The following POLR1A variants were observed in gnomAD, a reference collection of about 807,000 sequenced individuals.
POLR1A encodes DNA-directed RNA polymerase I subunit RPA1.
Under a neutral mutation model 205.3 loss-of-function variants are expected in POLR1A, and 84 were observed. That is an observed-to-expected ratio of 0.41 (90% CI 0.34 to 0.49). The LOEUF (loss-of-function observed/expected upper bound fraction) is 0.49. Ranked by LOEUF, POLR1A falls within the 20% of genes least tolerant of loss-of-function variation. The pLI is 0.22. For synonymous variants in POLR1A, 799 were observed against 863.7 expected, an observed-to-expected ratio of 0.93 and a Z score of 1.31; for missense variants, 1,645 against 2,204.5, an observed-to-expected ratio of 0.75 and a Z score of 5.08.
chr2:86,065,915 T>C (rs1489619876), intron 13 of POLR1A, among the ~76,000 whole-genome samples: 1 of 152,260 alleles, frequency 6.6e-6, no homozygotes, highest in Non-Finnish European at 1.5e-5. Flanking sequence ...CAAATATTTA[T>C]CAGGAGCCTC....
intron 14 of POLR1A, among the ~76,000 whole-genome samples, chr2:86,059,492 G>C (rs1401339570): frequency 6.6e-6 from 1 of 152,150 alleles, no homozygotes; most frequent in Admixed American, 6.5e-5. Flanking sequence ...TTTATCAGGT[G>C]GTTGAATGTC....
Position 86,068,394 on chromosome 2 carries a change from G to GGC in POLR1A, c.1866+1623_1866+1624insGC, listed in dbSNP as rs928926455. ...ACAGCCAAGCACATGGGCGGGGGGG[G>GGC]GGGGCGGGTGTCGTCCAAAGCTGCT... On this transcript the variant is annotated intron_variant, in intron 13 of 33. Coordinates refer to ENST00000263857, the MANE Select transcript of POLR1A (RefSeq NM_015425.6). Among the ~76,000 whole-genome samples the GGC allele has an allele frequency of 1.1e-4, 13 of 116,372 alleles. 3 individuals carry two copies. The highest frequency in any genetic ancestry group is 8.3e-4 in the Admixed American group (10 of 12,016). 76.3% of individuals were successfully genotyped at this position (116,372 alleles called of 152,430 possible). A position where few individuals can be genotyped will look rare whatever the true frequency, so the allele number is the denominator to read the frequency against.
At chr2:86,036,660 A>G (rs1672501364) in intron 27 of POLR1A, among the ~76,000 whole-genome samples, 1 of 152,180 alleles carries the variant, frequency 6.6e-6, no homozygotes, top group South Asian at 2.1e-4. Flanking sequence ...GGGGCCTGAC[A>G]AAGGGAGTCC....
At chr2:86,067,655 G>T (rs1235686602) in intron 13 of POLR1A, among the ~76,000 whole-genome samples, 5 of 151,978 alleles carry the variant, frequency 3.3e-5, no homozygotes, top group African/African-American at 1.2e-4. Flanking sequence ...TATAAATAAA[G>T]AAATATGGAA....
intron 26 of POLR1A, 61 bp from the exon 27 acceptor site, chr2:86,038,918 G>A: frequency 1.3e-6 from 2 of 1,510,990 alleles, no homozygotes; most frequent in Non-Finnish European, 1.8e-6. Context: ...TGCGCAATGT[G>A]AGTGGGTTAC....
intron 13 of POLR1A, among the ~76,000 whole-genome samples, chr2:86,069,745 G>T (rs1056245029): frequency 2.6e-5 from 4 of 152,208 alleles, no homozygotes; most frequent in African/African-American, 9.6e-5. Flanking sequence ...CTGAACACAA[G>T]ACCTATCACA....
intron 16 of POLR1A, among the ~76,000 whole-genome samples, chr2:86,051,058 C>T (rs367702253): frequency 1.3e-5 from 2 of 152,224 alleles, no homozygotes; most frequent in South Asian, 2.1e-4. Context: ...AAAATCTGGA[C>T]GCAGCCTAAA....
At chr2:86,037,438 G>A (rs1032927636) in intron 27 of POLR1A, among the ~76,000 whole-genome samples, 4 of 152,276 alleles carry the variant, frequency 2.6e-5, no homozygotes, top group Non-Finnish European at 5.9e-5. Flanking sequence ...CTCGAGGCCA[G>A]GCCCCATAAG....
chr2:86,063,055 G>A (rs1673023608), intron 14 of POLR1A, among the ~76,000 whole-genome samples: 1 of 152,284 alleles, frequency 6.6e-6, no homozygotes, highest in East Asian at 1.9e-4. Context: ...CTTCCCACAG[G>A]TTGGGCGCGG....
intron 6 of POLR1A, among the ~76,000 whole-genome samples, chr2:86,087,667 T>C (rs1673526630): frequency 6.6e-6 from 1 of 152,184 alleles, no homozygotes; most frequent in Non-Finnish European, 1.5e-5. Context: ...CCTAGCCTCC[T>C]GAGTAGCTGA....
At chr2:86,069,737 G>A (rs1313575043) in intron 13 of POLR1A, among the ~76,000 whole-genome samples, 1 of 152,204 alleles carries the variant, frequency 6.6e-6, no homozygotes, top group Non-Finnish European at 1.5e-5. Context: ...TTTAAGTGCT[G>A]AACACAAGAC....
intron 3 of POLR1A, among the ~76,000 whole-genome samples, chr2:86,093,541 T>C (rs1325698167): frequency 6.6e-6 from 1 of 152,148 alleles, no homozygotes; most frequent in Non-Finnish European, 1.5e-5. Context: ...ATAATATCCT[T>C]TACAGGCTGG....
chr2:86,067,884 A>G (rs1356903746), intron 13 of POLR1A, among the ~76,000 whole-genome samples: 1 of 152,240 alleles, frequency 6.6e-6, no homozygotes, highest in African/African-American at 2.4e-5. Flanking sequence ...GACAAAAGAA[A>G]GTGAATGAAA....
intron 7 of POLR1A, among the ~76,000 whole-genome samples, chr2:86,082,056 G>C (rs1418395928): frequency 6.6e-6 from 1 of 151,800 alleles, no homozygotes; most frequent in African/African-American, 2.4e-5. Context: ...GGCTGGTCTC[G>C]AACTCCTGGG....
In POLR1A at chr2:86,043,001, G is replaced by A; in HGVS notation, c.3330C>T (p.Arg1110=). The A allele has an allele frequency of 6.2e-7, 1 of 1,613,992 alleles. No individual in the cohort carries two copies. The highest frequency in any genetic ancestry group is 8.5e-7 in the Non-Finnish European group (1 of 1,179,876). ...CCTGAGTCCCAGGGCTGCGGCCATT[G>A]CGGTTTTCACTCTCAAGTTTCAGGG... ...VKALKLESEN[R]NGRSPGTQEM... The change falls in exon 23 of 34, where the codon CGC becomes CGT. Residue 1110 remains arginine, a synonymous_variant. Transcript: ENST00000263857.
At position 86,033,713 on chromosome 2, in the gene POLR1A, C is replaced by T. The variant is rs772119115; in HGVS notation, c.4109G>A (p.Arg1370Gln). Residue 1370 changes from arginine (R) to glutamine (Q), a missense_variant, in exon 28 of 34, where the codon CGA becomes CAA. Arg to Gln is a conservative substitution (Grantham distance 43). Coordinates refer to ENST00000263857, the MANE Select transcript of POLR1A (RefSeq NM_015425.6). ...KASAFRNVNT[R>Q]RATQRDLDNA... ...GTCCAGATCCCGCTGTGTAGCTCTT[C>T]GAGTGTTTACGTTCCTGAAAGCTGA... 9.9e-6 allele frequency: 16 copies of T among 1,614,034 alleles called. No individual in the cohort carries two copies. The highest frequency in any genetic ancestry group is 1.7e-4 in the Middle Eastern group (1 of 5,950).
At chr2:86,032,007 A>C (rs1672406914) in intron 29 of POLR1A, among the ~76,000 whole-genome samples, 1 of 152,204 alleles carries the variant, frequency 6.6e-6, no homozygotes, top group Admixed American at 6.5e-5. Flanking sequence ...TCTTGCCAGA[A>C]GCCTGTCTGG....
rs777028694 is a variant in POLR1A, at chr2:86,045,684, G to A, written c.2819C>T (p.Pro940Leu). 1.4e-5 allele frequency: 22 copies of A among 1,612,710 alleles called. No individual in the cohort carries two copies. The highest frequency in any genetic ancestry group is 1.4e-5 in the Non-Finnish European group (17 of 1,179,674). ...ACCAGCCCTGGGGGTGAACTCATAA[G>A]GCTCAAAGCAGGGCAGTGACTTGCC... is the stretch of plus-strand genomic sequence containing the variant. ...ASGKSLPCFEPYEFTPRAGGF... is the reference protein window; with the variant it reads ...ASGKSLPCFELYEFTPRAGGF... The change falls in exon 20 of 34, where the codon CCT becomes CTT. Residue 940 changes from proline to leucine, a missense_variant. Physicochemically the swap from Pro to Leu is moderately conservative, Grantham distance 98. Coordinates refer to ENST00000263857, the MANE Select transcript of POLR1A (RefSeq NM_015425.6).
At chr2:86,068,022 A>G (rs1673111497) in intron 13 of POLR1A, among the ~76,000 whole-genome samples, 1 of 152,164 alleles carries the variant, frequency 6.6e-6, no homozygotes, top group African/African-American at 2.4e-5. Flanking sequence ...TCATAGGCAT[A>G]TTAGCATGTG....
Sources: gnomAD v4.1 joint callset for allele counts (sites outside exome capture counted in the v4.1 genomes callset) on GRCh38, gnomAD v4.1.1 for gene constraint, MANE v1.5 for transcripts, NCBI Gene and HGNC (gene_info 2026-07-23, HGNC 2026-07-21) for gene names.